ENO1: variants seen among roughly 807,000 people sequenced by gnomAD.
ENO1 encodes alpha-enolase.
A neutral mutation model predicts 46.3 loss-of-function variants in ENO1; 33 were observed. That is an observed-to-expected ratio of 0.71 (90% CI 0.54 to 0.95). The LOEUF (loss-of-function observed/expected upper bound fraction) is 0.95, where lower values mean the gene tolerates loss of function less well. ENO1 is among the 40% of genes least tolerant of loss of function. The pLI, the probability that ENO1 is intolerant of heterozygous loss-of-function variation, is 0.00. For synonymous variants in ENO1, 220 were observed against 216.0 expected (o/e 1.02, Z -0.16); for missense variants, 488 against 553.3 (o/e 0.88, Z 1.18).
Position 8,861,456 on chromosome 1 carries a change from G to A in ENO1, c.1236-27C>T, listed in dbSNP as rs184739809. 5.5e-5 allele frequency: 88 copies of A among 1,612,940 alleles called. No individual in the cohort carries two copies. In the East Asian group the frequency reaches 1.9e-3, roughly 35 times the overall value. ...TTGGGAAGGAGAAAGGTAAAGAGAT[G>A]GGGAGGAAAAAAGAAAAGTCAGACC... On this transcript the variant is annotated intron_variant, in intron 11 of 11. Coordinates refer to ENST00000234590, the MANE Select transcript of ENO1 (RefSeq NM_001428.5).
chr1:8,871,307 A>G, intron 3 of ENO1: 2 of 993,950 alleles, frequency 2.0e-6, no homozygotes, highest in Non-Finnish European at 2.4e-6. Flanking sequence ...CTTTTCTGTA[A>G]TTTGGCCACA....
At chr1:8,868,749 G>A (rs922684599) in intron 4 of ENO1, among the ~76,000 whole-genome samples, 10 of 152,122 alleles carry the variant, frequency 6.6e-5, no homozygotes, top group African/African-American at 1.4e-4. Flanking sequence ...GCAGTGTCAC[G>A]ATCTCAGCTC....
intron 1 of ENO1, 174 bp downstream of exon 1, chr1:8,878,406 C>T: frequency 3.1e-6 from 1 of 327,542 alleles, no homozygotes; most frequent in Non-Finnish European, 5.9e-6. Flanking sequence ...CCGCCCCGGG[C>T]CTCGGGGTGA....
rs1352468735 is a variant in ENO1 at position 8,878,642 on chromosome 1, C to A, written c.-72G>T. ...AGGGTGCTGCAGACACCGAGGTGAA[C>A]GTAAAGCCGGCGAGATCTCCGTGCT... On this transcript the variant is annotated 5_prime_UTR_variant, in exon 1 of 12. Transcript: ENST00000234590. The A allele has an allele frequency of 2.2e-6, 1 of 456,104 alleles. No homozygotes were observed. Among genetic ancestry groups the A allele is most frequent in the Non-Finnish European group, 4.4e-6 (1 of 226,816 alleles). The allele number at this position is 456,104 out of a possible 1,614,324, so 28.3% of individuals were successfully genotyped here. A position where few individuals can be genotyped will look rare whatever the true frequency, so the allele number is the denominator to read the frequency against.
intron 3 of ENO1, chr1:8,870,731 A>C: frequency 7.0e-7 from 1 of 1,429,018 alleles, no homozygotes; most frequent in Non-Finnish European, 9.1e-7. Flanking sequence ...CACACAAAAC[A>C]GCAGCTGGCT....
chr1:8,866,010 G>A (rs1569900763), intron 7 of ENO1: 2 of 400,198 alleles, frequency 5.0e-6, no homozygotes, highest in Non-Finnish European at 9.0e-6. Flanking sequence ...GAGCCCAGGA[G>A]GCGGAAGTTG....
chr1:8,864,297 C>T (rs1047814419), intron 8 of ENO1, among the ~76,000 whole-genome samples: 1 of 152,098 alleles, frequency 6.6e-6, no homozygotes, highest in East Asian at 1.9e-4. Context: ...ACCCACAATC[C>T]TGGGTATCTA....
At chr1:8,872,114 A>G (rs1642646222) in intron 2 of ENO1, 128 bp from the exon 3 acceptor site, 1 of 729,930 alleles carries the variant, frequency 1.4e-6, no homozygotes. Context: ...AGCTGTGTGA[A>G]TTAAACGCTC....
In ENO1 at chr1:8,862,879, C is replaced by T; in HGVS notation, c.1235+8G>A. ...CACAGGCCCCTTGTTCTCAGGAGCC[C>T]TCCTTACCTGAGGAGCTGGTTGTAC... On this transcript the variant is annotated splice_region_variant and intron_variant, in intron 11 of 11. Coordinates refer to ENST00000234590, the MANE Select transcript of ENO1 (RefSeq NM_001428.5). 2 of 1,613,942 alleles carry T rather than the reference C, an allele frequency of 1.2e-6. No individual in the cohort carries two copies. The highest frequency in any genetic ancestry group is 1.7e-6 in the Non-Finnish European group (2 of 1,179,872).
rs1642483066 is a variant in ENO1, at chr1:8,865,144, G to A, written c.865+141C>T. 2.4e-5 allele frequency: 25 copies of A among 1,024,656 alleles called. No individual in the cohort carries two copies. In the South Asian group the frequency reaches 3.6e-4, roughly 15 times the overall value. 63.5% of individuals were successfully genotyped at this position (1,024,656 alleles called of 1,614,324 possible). A position where few individuals can be genotyped will look rare whatever the true frequency, so the allele number is the denominator to read the frequency against. On this transcript the variant is annotated intron_variant, in intron 8 of 11. Coordinates refer to ENST00000234590, the MANE Select transcript of ENO1 (RefSeq NM_001428.5). ...TGCACAACTGGGGGCAAACCCAGTGGTGAATCCCCTACGGGAGCTGGAAGT... is the reference window on the plus strand; with the variant it reads ...TGCACAACTGGGGGCAAACCCAGTGATGAATCCCCTACGGGAGCTGGAAGT...
intron 10 of ENO1, 40 bp from the exon 11 acceptor site, chr1:8,862,985 C>G (rs1642436729): frequency 6.2e-7 from 1 of 1,608,906 alleles, no homozygotes; most frequent in Admixed American, 1.7e-5. Context: ...AGCGGACAAG[C>G]TTTGCAGGCA....
At chr1:8,862,845 C>G in intron 11 of ENO1, 42 bp downstream of exon 11, 1 of 1,608,134 alleles carries the variant, frequency 6.2e-7, no homozygotes, top group Non-Finnish European at 8.5e-7. Context: ...AGGCCCCCAC[C>G]TAGTGAACCA....
chr1:8,874,594 A>AAAAG (rs1642698418), intron 2 of ENO1, among the ~76,000 whole-genome samples: 2 of 150,098 alleles, frequency 1.3e-5, no homozygotes, highest in African/African-American at 4.9e-5. Context: ...AAAAAAAAAA[A>AAAAG]AAAAAAGAAA....
chr1:8,867,378 T>A, intron 5 of ENO1, 128 bp from the exon 6 acceptor site: 1 of 1,320,448 alleles, frequency 7.6e-7, no homozygotes, highest in Non-Finnish European at 1.0e-6. Context: ...TCACTGTTAC[T>A]AGAAATACAA....
rs1163557825 is a variant in ENO1 at position 8,878,668 on chromosome 1, C to G, written c.-98G>C. 2.2e-6 allele frequency: 1 copy of G among 456,124 alleles called. No homozygotes were observed. The allele number at this position is 456,124 out of a possible 1,614,324, so 28.3% of individuals were successfully genotyped here. ...GTAAAGCCGGCGAGATCTCCGTGCTCCGGGTACCCACAGATACTGTCCGCG... is the reference window on the plus strand; with the variant it reads ...GTAAAGCCGGCGAGATCTCCGTGCTGCGGGTACCCACAGATACTGTCCGCG... On this transcript the variant is annotated 5_prime_UTR_variant, in exon 1 of 12. Coordinates refer to ENST00000234590, the MANE Select transcript of ENO1 (RefSeq NM_001428.5).
intron 7 of ENO1, 77 bp downstream of exon 7, chr1:8,866,202 C>G (rs1292418250): frequency 1.6e-6 from 2 of 1,256,922 alleles, no homozygotes; most frequent in African/African-American, 3.0e-5. Context: ...TCCACAGTGG[C>G]AGGTGTGGAC....
At chr1:8,868,316 G>C (rs1006138266) in intron 4 of ENO1, among the ~76,000 whole-genome samples, 3 of 152,068 alleles carry the variant, frequency 2.0e-5, no homozygotes, top group Non-Finnish European at 4.4e-5. Flanking sequence ...TGTAACAAAA[G>C]GTTAATAGTC....
At chr1:8,864,673 C>T (rs1432131270) in intron 8 of ENO1, among the ~76,000 whole-genome samples, 1 of 152,092 alleles carries the variant, frequency 6.6e-6, no homozygotes, top group Non-Finnish European at 1.5e-5. Flanking sequence ...AGTTTAGTGC[C>T]ACTGAAAATC....
rs1302716101 is a variant in ENO1 at position 8,861,259 on chromosome 1, C to A, written c.*101G>T. ...GCGGTGGGGCGCTAACTAGCAGGGA[C>A]CCCTGCAAGTGTTGGTCGGGGGCCT... On this transcript the variant is annotated 3_prime_UTR_variant, in exon 12 of 12. Transcript: ENST00000234590. 5.3e-5 allele frequency: 64 copies of A among 1,212,714 alleles called. No individual in the cohort carries two copies. The highest frequency in any genetic ancestry group is 7.4e-5 in the Non-Finnish European group (61 of 829,112). 75.1% of individuals were successfully genotyped at this position (1,212,714 alleles called of 1,614,324 possible).
Sources: allele counts gnomAD v4.1 joint callset (sites outside exome capture counted in the v4.1 genomes callset), GRCh38; gene constraint gnomAD v4.1.1; transcripts MANE v1.5; gene names NCBI Gene and HGNC (gene_info 2026-07-23, HGNC 2026-07-21).